The following CTXND2 variants were observed in gnomAD, a reference collection of about 807,000 sequenced individuals.
The protein encoded by CTXND2 is cortexin domain containing 2.
chr1:150,903,916 C>T, intron 1 of CTXND2: 1 of 639,834 alleles, frequency 1.6e-6, no homozygotes, highest in Non-Finnish European at 2.9e-6. Context: ...TTGAGAAAGG[C>T]AAGAAGATTT....
At chr1:150,899,916 G>A (rs779084692) in intron 1 of CTXND2, among the ~76,000 whole-genome samples, 12 of 152,234 alleles carry the variant, frequency 7.9e-5, no homozygotes, top group East Asian at 3.9e-4. Context: ...ACCAATCAGC[G>A]CTCTCTGTCT....
intron 1 of CTXND2, among the ~76,000 whole-genome samples, chr1:150,892,479 A>G (rs141817380): frequency 9.4e-4 from 142 of 151,844 alleles, no homozygotes; most frequent in African/African-American, 3.2e-3. Context: ...TGATAAGGAA[A>G]ATCTCTCTAC....
At chr1:150,906,699 GC>G (rs1361942837) in intron 1 of CTXND2, among the ~76,000 whole-genome samples, 1 of 152,128 alleles carries the variant, frequency 6.6e-6, no homozygotes, top group African/African-American at 2.4e-5. Context: ...GGCAGAGTAT[GC>G]CTAGGAAGAA....
At chr1:150,904,204 T>C in intron 1 of CTXND2, 1 of 615,334 alleles carries the variant, frequency 1.6e-6, no homozygotes, top group Non-Finnish European at 3.0e-6. Context: ...AAAAAGCTAC[T>C]AATGAGTAAT....
intron 1 of CTXND2, among the ~76,000 whole-genome samples, chr1:150,895,756 A>T (rs751451113): frequency 6.6e-6 from 1 of 152,236 alleles, no homozygotes. Context: ...GTGTTAGTGC[A>T]TGACTCAGCC....
chr1:150,898,746 T>G (rs1410315139), intron 1 of CTXND2, among the ~76,000 whole-genome samples: 3 of 125,546 alleles, frequency 2.4e-5, no homozygotes, highest in East Asian at 2.4e-4. Flanking sequence ...CAGAGCAAGA[T>G]TCTGACTCAA....
At chr1:150,902,275 T>C (rs1156680188) in intron 1 of CTXND2, among the ~76,000 whole-genome samples, 1 of 151,346 alleles carries the variant, frequency 6.6e-6, no homozygotes. Context: ...GGCGTGGTGG[T>C]GGGTGCCTGT....
At chr1:150,901,964 T>C (rs1394331972) in intron 1 of CTXND2, among the ~76,000 whole-genome samples, 2 of 151,482 alleles carry the variant, frequency 1.3e-5, no homozygotes, top group Non-Finnish European at 2.9e-5. Flanking sequence ...ATAATAGTCT[T>C]TTTAATAAAT....
At position 150,890,068 on chromosome 1, in the gene CTXND2, T is replaced by G. The variant is rs1357095272; in HGVS notation, c.-74+2755T>G. 1.3e-5 allele frequency among the ~76,000 whole-genome samples: 2 copies of G among 152,042 alleles called. 1 individual carries two copies. Among genetic ancestry groups the G allele is most frequent in the Non-Finnish European group, 2.9e-5 (2 of 67,988 alleles). ...ATGGTCCTGTCTTAAGCAACAGAAG[T>G]ATAGTATCTAGATGAATAATCTTGA... is the stretch of plus-strand genomic sequence containing the variant. On this transcript the variant is annotated intron_variant, in intron 1 of 1. Coordinates refer to ENST00000636087, the Ensembl canonical transcript of CTXND2.
In CTXND2 at chr1:150,907,691, C is replaced by T. The variant is rs370792372; in HGVS notation, c.-73-4551C>T. On this transcript the variant is annotated intron_variant, in intron 1 of 1. Transcript: ENST00000636087. Reference sequence around the variant, plus strand: ...GACAGCCATAGGAGTGGAATTGCTGCGTCATATGGTGGCTTTTTTTTTTTT... The same window carrying T: ...GACAGCCATAGGAGTGGAATTGCTGTGTCATATGGTGGCTTTTTTTTTTTT... Among the ~76,000 whole-genome samples the T allele has an allele frequency of 3.5e-3, 504 of 143,486 alleles. 30 individuals carry two copies. The South Asian group carries it at 0.11, about 31-fold the overall frequency. The allele number at this position is 143,486 out of a possible 152,430, so 94.1% of individuals were successfully genotyped here.
chr1:150,900,471 A>G (rs1269566698), intron 1 of CTXND2, among the ~76,000 whole-genome samples: 4 of 152,226 alleles, frequency 2.6e-5, no homozygotes, highest in African/African-American at 9.6e-5. Flanking sequence ...TCTTGAAGTC[A>G]GTGAGACCAA....
intron 1 of CTXND2, among the ~76,000 whole-genome samples, chr1:150,892,669 G>A (rs1486727084): frequency 6.6e-6 from 1 of 151,772 alleles, no homozygotes. Context: ...CTCCCAAGTA[G>A]CTGGGACTAC....
At chr1:150,895,469 A>G (rs888517358) in intron 1 of CTXND2, among the ~76,000 whole-genome samples, 1 of 151,720 alleles carries the variant, frequency 6.6e-6, no homozygotes, top group Non-Finnish European at 1.5e-5. Flanking sequence ...TCAGCATCCC[A>G]ATTATCTGGA....
intron 1 of CTXND2, among the ~76,000 whole-genome samples, chr1:150,908,011 C>CTTTTT (rs745450518): frequency 8.3e-6 from 1 of 120,384 alleles, no homozygotes. Flanking sequence ...GCCCAGCCAG[C>CTTTTT]TTTTTTTTTT....
intron 1 of CTXND2, among the ~76,000 whole-genome samples, chr1:150,898,396 C>T (rs1033108297): frequency 6.6e-6 from 1 of 152,060 alleles, no homozygotes; most frequent in African/African-American, 2.4e-5. Flanking sequence ...TGGGTGGAAT[C>T]TTCTTTTATA....
intron 1 of CTXND2, among the ~76,000 whole-genome samples, chr1:150,910,665 T>C (rs1177585009): frequency 1.3e-5 from 2 of 148,648 alleles, no homozygotes. Context: ...AGAGTCTCAC[T>C]CTGTCGCCCA....
chr1:150,888,841 C>T (rs955901038), intron 1 of CTXND2, among the ~76,000 whole-genome samples: 4 of 151,614 alleles, frequency 2.6e-5, no homozygotes, highest in Admixed American at 6.6e-5. Flanking sequence ...ACTATAGGTG[C>T]GTGCCACCAC....
At chr1:150,902,822 A>G (rs910506772) in intron 1 of CTXND2, among the ~76,000 whole-genome samples, 1 of 152,122 alleles carries the variant, frequency 6.6e-6, no homozygotes, top group Non-Finnish European at 1.5e-5. Context: ...GGGAACATAT[A>G]TCAAGCTTGA....
At chr1:150,895,324 A>G (rs774705221) in intron 1 of CTXND2, among the ~76,000 whole-genome samples, 5 of 151,710 alleles carry the variant, frequency 3.3e-5, no homozygotes, top group Non-Finnish European at 7.4e-5. Context: ...TGTTTGGGGA[A>G]ATCTTTTTTT....
Sources: gnomAD v4.1 joint callset for allele counts (sites outside exome capture counted in the v4.1 genomes callset) on GRCh38, gnomAD v4.1.1 for gene constraint, MANE v1.5 for transcripts, NCBI Gene and HGNC (gene_info 2026-07-23, HGNC 2026-07-21) for gene names.